Variants in DHX35 observed in about 807,000 individuals in gnomAD.
DHX35 encodes the protein probable ATP-dependent RNA helicase DHX35.
Under a neutral mutation model 99.6 loss-of-function variants are expected in DHX35, and 84 were observed. The observed-to-expected ratio is 0.84, with a 90% CI of 0.71 to 1.01. The LOEUF is 1.01. Among genes scored for constraint, DHX35 ranks in the 50% least tolerant of loss-of-function variants. The pLI is 0.00. For synonymous variants in DHX35, 331 were observed against 316.2 expected (o/e 1.05, Z -0.50); for missense variants, 852 against 888.5 (o/e 0.96, Z 0.52).
chr20:38,985,006 G>C (rs1011526034), intron 4 of DHX35, among the ~76,000 whole-genome samples: 11 of 151,980 alleles, frequency 7.2e-5, no homozygotes, highest in African/African-American at 2.4e-4. Context: ...CTGCCTTTTG[G>C]CGTTGAGGAT....
intron 4 of DHX35, among the ~76,000 whole-genome samples, chr20:38,987,145 T>A (rs2086262670): frequency 6.6e-6 from 1 of 152,212 alleles, no homozygotes; most frequent in African/African-American, 2.4e-5. Flanking sequence ...CTGTGGGGAT[T>A]GGTGTGCTGG....
chr20:39,017,420 A>G (rs1283604807), intron 14 of DHX35, among the ~76,000 whole-genome samples: 1 of 152,152 alleles, frequency 6.6e-6, no homozygotes, highest in Non-Finnish European at 1.5e-5. Flanking sequence ...GCTGATCTGT[A>G]GTGAGGATGA....
chr20:38,988,988 T>C, intron 5 of DHX35, 71 bp downstream of exon 5: 3 of 1,556,952 alleles, frequency 1.9e-6, no homozygotes, highest in Non-Finnish European at 2.6e-6. Context: ...TAAAAACATG[T>C]AGTCCTTGCT....
At chr20:38,995,124 C>T (rs191123485) in intron 8 of DHX35, among the ~76,000 whole-genome samples, 40 of 152,322 alleles carry the variant, frequency 2.6e-4, no homozygotes, top group East Asian at 9.6e-4. Flanking sequence ...TGTCTTTCTC[C>T]CCACTTACAC....
rs1313002784 is a variant in DHX35 at position 38,987,776 on chromosome 20, C to G, written c.346-1037C>G. ...CTTCATAATGTATTACATATTTTGT[C>G]TTTCACTTTATTATGCTACCTTGGA... On this transcript the variant is annotated intron_variant, in intron 4 of 21. Coordinates refer to ENST00000252011, the MANE Select transcript of DHX35 (RefSeq NM_021931.4). 2.0e-5 allele frequency among the ~76,000 whole-genome samples: 3 copies of G among 152,078 alleles called. No individual in the cohort carries two copies. The South Asian group carries it at 6.2e-4, about 32-fold the overall frequency.
chr20:38,963,892 G>A (rs561266337), intron 1 of DHX35, among the ~76,000 whole-genome samples: 1 of 152,200 alleles, frequency 6.6e-6, no homozygotes, highest in Non-Finnish European at 1.5e-5. Context: ...AAGAAGATGA[G>A]CTCTAGAGTC....
intron 1 of DHX35, among the ~76,000 whole-genome samples, chr20:38,967,979 C>A (rs182681955): frequency 6.6e-6 from 1 of 152,094 alleles, no homozygotes; most frequent in Non-Finnish European, 1.5e-5. Context: ...GTCCCCCTTA[C>A]GTTGTCTTTA....
chr20:39,006,283 C>T lies in DHX35; in HGVS notation c.1149C>T (p.Ser383=), dbSNP rs61757593. 1 of 1,613,956 alleles carries T rather than the reference C, an allele frequency of 6.2e-7. No homozygotes were observed. The highest frequency in any genetic ancestry group is 8.5e-7 in the Non-Finnish European group (1 of 1,180,024). Residue 383 remains serine (S), a synonymous_variant, in exon 12 of 22, where the codon TCC becomes TCT. Transcript: ENST00000252011. ...AATGCTTGGTGGTGGTGCCAGTCTC[C>T]CAGGCATCAGCTAATCAGCGAGCAG... ...AIECLVVVPV[S]QASANQRAGR...
intron 12 of DHX35, among the ~76,000 whole-genome samples, chr20:39,006,838 G>A (rs1157517110): frequency 1.3e-5 from 2 of 152,202 alleles, no homozygotes; most frequent in Admixed American, 6.5e-5. Context: ...TAGTTGGTGA[G>A]CTCCTCCTCT....
intron 13 of DHX35, among the ~76,000 whole-genome samples, chr20:39,011,104 A>T (rs920960460): frequency 2.3e-4 from 35 of 152,022 alleles, no homozygotes; most frequent in African/African-American, 8.4e-4. Context: ...TTTTATAAAA[A>T]CATTTATTAG....
intron 4 of DHX35, among the ~76,000 whole-genome samples, chr20:38,984,515 G>A (rs1219617563): frequency 6.6e-6 from 1 of 152,094 alleles, no homozygotes; most frequent in African/African-American, 2.4e-5. Flanking sequence ...TAGGAGTAGC[G>A]ACTGTACTTT....
intron 3 of DHX35, among the ~76,000 whole-genome samples, chr20:38,977,382 C>T (rs757545934): frequency 6.6e-6 from 1 of 152,058 alleles, no homozygotes; most frequent in Non-Finnish European, 1.5e-5. Context: ...TGAAATAATA[C>T]ACTGTGCATC....
At chr20:39,037,496 G>A (rs1172101080) in intron 21 of DHX35, among the ~76,000 whole-genome samples, 5 of 152,036 alleles carry the variant, frequency 3.3e-5, no homozygotes, top group African/African-American at 9.7e-5. Context: ...CTGGTGGTGC[G>A]CTGTGTCTTC....
At chr20:38,979,502 G>C (rs2086138195) in intron 3 of DHX35, among the ~76,000 whole-genome samples, 1 of 152,152 alleles carries the variant, frequency 6.6e-6, no homozygotes, top group Admixed American at 6.5e-5. Context: ...CTTTGCTGTT[G>C]AAAATGACTA....
At position 38,972,794 on chromosome 20, in the gene DHX35, C is replaced by T. The variant is rs2086022672; in HGVS notation, c.267+143C>T. The T allele has an allele frequency of 8.3e-6, 5 of 603,496 alleles. No homozygotes were observed. In the Admixed American group the frequency reaches 1.0e-4, roughly 12 times the overall value. The allele number at this position is 603,496 out of a possible 1,614,324, so 37.4% of individuals were successfully genotyped here. A position where few individuals can be genotyped will look rare whatever the true frequency, so the allele number is the denominator to read the frequency against. On this transcript the variant is annotated intron_variant, in intron 3 of 21. Transcript: ENST00000252011. ...CTTCAACTAGATATTTTTTATTAAACTTTTAGGGCTTATAATTTCTTTGGT... is the reference window on the plus strand; with the variant it reads ...CTTCAACTAGATATTTTTTATTAAATTTTTAGGGCTTATAATTTCTTTGGT...
chr20:39,028,764 C>T (rs927264530), intron 19 of DHX35, among the ~76,000 whole-genome samples: 1 of 152,188 alleles, frequency 6.6e-6, no homozygotes, highest in African/African-American at 2.4e-5. Flanking sequence ...GGTAATATTT[C>T]AATTCTAATG....
At chr20:38,999,666 T>G (rs139896578) in intron 8 of DHX35, among the ~76,000 whole-genome samples, 111 of 152,362 alleles carry the variant, frequency 7.3e-4, no homozygotes, top group Non-Finnish European at 1.3e-3. Context: ...TCCCACCAGC[T>G]GTATCTCTGG....
At chr20:38,964,115 G>A (rs531351690) in intron 1 of DHX35, among the ~76,000 whole-genome samples, 1 of 152,320 alleles carries the variant, frequency 6.6e-6, no homozygotes, top group Non-Finnish European at 1.5e-5. Context: ...GGAAGAGGGA[G>A]GGAAAGTTGA....
chr20:39,030,563 G>T (rs1443146403), intron 19 of DHX35, 141 bp from the exon 20 acceptor site: 12 of 718,892 alleles, frequency 1.7e-5, no homozygotes, highest in Non-Finnish European at 2.7e-5. Flanking sequence ...AAGAAAGGTT[G>T]CAAGAGAAGA....
Sources: gnomAD v4.1 joint callset for allele counts (sites outside exome capture counted in the v4.1 genomes callset) on GRCh38, gnomAD v4.1.1 for gene constraint, MANE v1.5 for transcripts, NCBI Gene and HGNC (gene_info 2026-07-23, HGNC 2026-07-21) for gene names.